Variants in DNAH14 observed in about 807,000 individuals in gnomAD.
The protein encoded by DNAH14 is dynein axonemal heavy chain 14.
A neutral mutation model predicts 520.9 loss-of-function variants in DNAH14; 478 were observed. That is an observed-to-expected ratio of 0.92 (90% confidence interval 0.85 to 0.99). The LOEUF (loss-of-function observed/expected upper bound fraction) is 0.99, where lower values mean the gene tolerates loss of function less well. Among genes scored for constraint, DNAH14 ranks in the 50% least tolerant of loss-of-function variants. The probability of loss-of-function intolerance (pLI) is 0.00; values close to 1 mark genes in which losing one functional copy is unlikely to be tolerated. For synonymous variants in DNAH14, 1,581 were observed against 1,757.2 expected (o/e 0.90, Z 2.51); for missense variants, 4,831 against 5,234.5 (o/e 0.92, Z 2.38).
At chr1:224,940,222 G>C (rs2059318763) in intron 1 of DNAH14, among the ~76,000 whole-genome samples, 1 of 152,150 alleles carries the variant, frequency 6.6e-6, no homozygotes, top group Non-Finnish European at 1.5e-5. Context: ...ATAGTGCTTA[G>C]CTTTAAAAGG....
intron 81 of DNAH14, among the ~76,000 whole-genome samples, chr1:225,387,672 A>G (rs1251912056): frequency 6.6e-6 from 1 of 152,076 alleles, no homozygotes; most frequent in East Asian, 1.9e-4. Context: ...AGGAGGAAGT[A>G]ATGAGCGCCG....
chr1:225,284,260 C>A, intron 54 of DNAH14, among the ~76,000 whole-genome samples: 1 of 150,672 alleles, frequency 6.6e-6, no homozygotes, highest in Non-Finnish European at 1.5e-5. Flanking sequence ...GCTAGACTGA[C>A]CAAGAAAAAA....
At chr1:224,982,432 G>A (rs919553234) in intron 8 of DNAH14, among the ~76,000 whole-genome samples, 1 of 152,190 alleles carries the variant, frequency 6.6e-6, no homozygotes, top group African/African-American at 2.4e-5. Flanking sequence ...TGCCACGTGT[G>A]AGGAAAAATA....
intron 41 of DNAH14, among the ~76,000 whole-genome samples, chr1:225,226,534 C>T (rs1349851426): frequency 3.9e-5 from 6 of 152,192 alleles, no homozygotes; most frequent in Non-Finnish European, 8.8e-5. Flanking sequence ...AGGTCTGTCA[C>T]GGAGGACAAG....
chr1:225,351,028 G>A (rs2095357695), intron 71 of DNAH14, among the ~76,000 whole-genome samples: 1 of 152,142 alleles, frequency 6.6e-6, no homozygotes, highest in African/African-American at 2.4e-5. Context: ...TAAGAGGACT[G>A]TACACCATAA....
At chr1:225,370,014 G>T (rs2095600074) in intron 77 of DNAH14, among the ~76,000 whole-genome samples, 2 of 152,244 alleles carry the variant, frequency 1.3e-5, no homozygotes, top group East Asian at 3.9e-4. Context: ...GATGAAACCT[G>T]CACGGTGGCT....
At chr1:225,322,939 T>C (rs1532771) in intron 62 of DNAH14, 116 bp downstream of exon 62, 434,175 of 1,108,330 alleles carry the variant, frequency 0.39, 86,140 homozygotes, top group South Asian at 0.53. Flanking sequence ...TCTAGGAAAA[T>C]AGCTCTATTC....
intron 44 of DNAH14, among the ~76,000 whole-genome samples, chr1:225,254,600 G>T (rs1193639186): frequency 6.6e-6 from 1 of 152,150 alleles, no homozygotes; most frequent in African/African-American, 2.4e-5. Context: ...GATGAATTTA[G>T]ATAAAAGTTA....
chr1:225,212,458 C>G (rs540831941), intron 41 of DNAH14, among the ~76,000 whole-genome samples: 20 of 152,238 alleles, frequency 1.3e-4, no homozygotes, highest in African/African-American at 4.8e-4. Flanking sequence ...ATTTCTAGTT[C>G]TAGATCCCTG....
At chr1:225,291,169 T>C (rs1470111321) in intron 55 of DNAH14, among the ~76,000 whole-genome samples, 2 of 152,126 alleles carry the variant, frequency 1.3e-5, no homozygotes, top group African/African-American at 4.8e-5. Flanking sequence ...CTTAGCATAA[T>C]CATGTTGCCA....
chr1:225,022,231 C>A (rs2065764386), intron 10 of DNAH14, among the ~76,000 whole-genome samples: 1 of 152,080 alleles, frequency 6.6e-6, no homozygotes, highest in Non-Finnish European at 1.5e-5. Context: ...GCAATTGCAG[C>A]AAAAACAAAA....
At chr1:225,020,081 A>G (rs968829554) in intron 10 of DNAH14, among the ~76,000 whole-genome samples, 2 of 152,142 alleles carry the variant, frequency 1.3e-5, no homozygotes, top group African/African-American at 4.8e-5. Flanking sequence ...TTGATTCTTC[A>G]GAAGATTAAA....
intron 3 of DNAH14, among the ~76,000 whole-genome samples, chr1:224,955,616 GTC>G (rs1211325547): frequency 4.0e-5 from 6 of 151,878 alleles, no homozygotes; most frequent in Admixed American, 3.9e-4. Flanking sequence ...GCACTCTTAT[GTC>G]CTCACTTTTA....
chr1:225,185,323 A>T lies in DNAH14; in HGVS notation c.5568A>T (p.Thr1856=), dbSNP rs761699899. ...VCVGVMLVGP[T]GGGKTTVRRI... The stretch of plus-strand genomic sequence containing the variant: ...TTGGTGTGATGTTAGTGGGCCCAAC[A>T]GGTGGAGGAAAGACAACAGTCAGAA... The change falls in exon 37 of 86, where the codon ACA becomes ACT. Residue 1856 remains threonine (T), a synonymous_variant. Coordinates refer to ENST00000682510, the MANE Select transcript of DNAH14 (RefSeq NM_001367479.1). 7 of 1,546,796 alleles carry T rather than the reference A, an allele frequency of 4.5e-6. No homozygotes were observed. The South Asian group carries it at 8.4e-5, about 19-fold the overall frequency.
chr1:225,109,655 G>A lies in DNAH14; in HGVS notation c.3868-8029G>A, dbSNP rs2148810933. On this transcript the variant is annotated intron_variant, in intron 23 of 85. Coordinates refer to ENST00000682510, the MANE Select transcript of DNAH14 (RefSeq NM_001367479.1). ...TAAGATCATATCATCTGCAAACAAG[G>A]AGAGTTTGACTTCTGCTTTTCCAAC... Among the ~76,000 whole-genome samples the A allele has an allele frequency of 2.6e-5, 4 of 152,150 alleles. No homozygotes were observed. The South Asian group carries it at 8.3e-4, about 32-fold the overall frequency.
intron 54 of DNAH14, among the ~76,000 whole-genome samples, chr1:225,280,353 A>C (rs1285391005): frequency 6.6e-6 from 1 of 152,186 alleles, no homozygotes; most frequent in Non-Finnish European, 1.5e-5. Context: ...TAATCCCAGC[A>C]CTTTGGAAGG....
At chr1:225,171,867 A>G (rs1174643377) in intron 36 of DNAH14, among the ~76,000 whole-genome samples, 5 of 149,520 alleles carry the variant, frequency 3.3e-5, no homozygotes, top group Admixed American at 6.7e-5. Context: ...AAAATCCTCA[A>G]TAAAATACTG....
At chr1:225,224,333 C>G (rs1053667184) in intron 41 of DNAH14, among the ~76,000 whole-genome samples, 1 of 151,294 alleles carries the variant, frequency 6.6e-6, no homozygotes, top group Admixed American at 6.6e-5. Flanking sequence ...TTTGTTTTCC[C>G]TACTAAGCAT....
intron 8 of DNAH14, among the ~76,000 whole-genome samples, chr1:224,991,211 C>T (rs1412964760): frequency 6.7e-6 from 1 of 148,706 alleles, no homozygotes; most frequent in Admixed American, 6.8e-5. Context: ...TCTCCTGCCT[C>T]AGCCTCCCAA....
Sources: allele counts gnomAD v4.1 joint callset (sites outside exome capture counted in the v4.1 genomes callset), GRCh38; gene constraint gnomAD v4.1.1; transcripts MANE v1.5; gene names NCBI Gene and HGNC (gene_info 2026-07-23, HGNC 2026-07-21).